Variants in DACH1 observed in about 807,000 individuals in gnomAD.
DACH1 encodes dachshund homolog 1.
Under a neutral mutation model 54.2 loss-of-function variants are expected in DACH1, and 12 were observed. The ratio of observed to expected loss-of-function variants is 0.22; its 90% CI spans 0.14 to 0.36. The LOEUF (loss-of-function observed/expected upper bound fraction) is 0.36, where lower values mean the gene tolerates loss of function less well. DACH1 is among the 10% of genes least tolerant of loss of function. DACH1 has a pLI of 1.00. For synonymous variants in DACH1, 386 were observed against 366.2 expected (o/e 1.05, Z -0.62); for missense variants, 805 against 929.8 (o/e 0.87, Z 1.75).
chr13:71,580,150 A>T (rs1014403207), intron 3 of DACH1, among the ~76,000 whole-genome samples: 3 of 152,218 alleles, frequency 2.0e-5, no homozygotes, highest in African/African-American at 7.2e-5. Flanking sequence ...AAATGACCAC[A>T]CAATGTTCAT....
intron 7 of DACH1, among the ~76,000 whole-genome samples, chr13:71,483,386 TA>T (rs1417504130): frequency 7.0e-6 from 1 of 142,794 alleles, no homozygotes; most frequent in Non-Finnish European, 1.5e-5. Context: ...TATGTATCAA[TA>T]ATTAAATTAT....
chr13:71,847,166 C>T (rs1873336631), intron 1 of DACH1, among the ~76,000 whole-genome samples: 6 of 152,010 alleles, frequency 3.9e-5, no homozygotes, highest in Admixed American at 3.3e-4. Flanking sequence ...GGGAAGCATC[C>T]AGGAATTAGA....
chr13:71,658,321 G>A (rs370842793), intron 2 of DACH1, among the ~76,000 whole-genome samples: 11 of 152,198 alleles, frequency 7.2e-5, no homozygotes, highest in South Asian at 4.1e-4. Context: ...AAGCTGAGGC[G>A]GGTGGATCAC....
At chr13:71,819,675 GA>G (rs988855378) in intron 1 of DACH1, among the ~76,000 whole-genome samples, 5 of 152,134 alleles carry the variant, frequency 3.3e-5, no homozygotes, top group Admixed American at 3.3e-4. Context: ...AGAGCAAATT[GA>G]AGGTGTAAAG....
intron 1 of DACH1, among the ~76,000 whole-genome samples, chr13:71,705,628 T>C (rs1882404080): frequency 6.6e-6 from 1 of 152,202 alleles, no homozygotes. Context: ...AGATAGGCAA[T>C]TTGTTAGCTA....
intron 1 of DACH1, among the ~76,000 whole-genome samples, chr13:71,725,253 G>A (rs1268819129): frequency 6.6e-6 from 1 of 152,036 alleles, no homozygotes; most frequent in African/African-American, 2.4e-5. Flanking sequence ...ATTGTTTTGA[G>A]CAATGTAGCC....
intron 9 of DACH1, among the ~76,000 whole-genome samples, 191 bp downstream of exon 9, chr13:71,475,515 T>TA (rs1234938134): frequency 7.9e-5 from 12 of 152,074 alleles, no homozygotes; most frequent in Non-Finnish European, 1.6e-4. Context: ...TGGAGTTCAG[T>TA]AAAAAACAGT....
At chr13:71,815,244 A>C (rs1887863235) in intron 1 of DACH1, among the ~76,000 whole-genome samples, 2 of 150,504 alleles carry the variant, frequency 1.3e-5, no homozygotes, top group African/African-American at 2.4e-5. Context: ...CTTGGAGCAA[A>C]CAAAGCTGCC....
intron 1 of DACH1, among the ~76,000 whole-genome samples, chr13:71,698,881 C>T (rs1292810921): frequency 3.9e-5 from 6 of 151,964 alleles, no homozygotes; most frequent in Non-Finnish European, 7.4e-5. Flanking sequence ...CAGAGAAACA[C>T]GGAAGGTACT....
intron 1 of DACH1, among the ~76,000 whole-genome samples, chr13:71,742,833 G>A (rs1217835382): frequency 6.6e-6 from 1 of 151,890 alleles, no homozygotes; most frequent in Non-Finnish European, 1.5e-5. Context: ...AGCAAAATCT[G>A]CCTTTATTTT....
At chr13:71,657,801 G>A (rs1427534055) in intron 2 of DACH1, among the ~76,000 whole-genome samples, 2 of 151,346 alleles carry the variant, frequency 1.3e-5, no homozygotes, top group Non-Finnish European at 2.9e-5. Context: ...TTCAGAGATG[G>A]GGTCTCACTA....
intron 1 of DACH1, among the ~76,000 whole-genome samples, chr13:71,791,427 C>A (rs974867065): frequency 6.6e-6 from 1 of 152,080 alleles, no homozygotes; most frequent in African/African-American, 2.4e-5. Flanking sequence ...AAGTGGCAGG[C>A]GGGAGTGCAG....
intron 7 of DACH1, among the ~76,000 whole-genome samples, chr13:71,481,711 C>T (rs772594435): frequency 6.6e-6 from 1 of 152,122 alleles, no homozygotes; most frequent in Non-Finnish European, 1.5e-5. Flanking sequence ...AAGTATGTTA[C>T]CGCCAGTGAC....
intron 10 of DACH1, among the ~76,000 whole-genome samples, chr13:71,464,948 G>A (rs9652235): frequency 0.018 from 2,770 of 152,144 alleles, 25 homozygotes; most frequent in Middle Eastern, 0.041. Context: ...TGCTTTGGCT[G>A]TGCTAATATA....
intron 6 of DACH1, among the ~76,000 whole-genome samples, chr13:71,542,294 AAAAAT>A (rs1883185837): frequency 6.6e-6 from 1 of 152,050 alleles, no homozygotes; most frequent in Non-Finnish European, 1.5e-5. Context: ...TACATACTTG[AAAAAT>A]AAAATAAAAA....
In DACH1 at chr13:71,596,655, T is replaced by C. The variant is rs138065933; in HGVS notation, c.1127-23643A>G. On this transcript the variant is annotated intron_variant, in intron 3 of 10. Transcript: ENST00000613252. ...GTTAAATTATCTCACCATGTTGTAT[T>C]AGGGCTACATCTTCATTTGCTACTT... Among the ~76,000 whole-genome samples, 184 of 152,276 alleles carry C rather than the reference T, an allele frequency of 1.2e-3. 2 individuals are homozygous for C. In the East Asian group the frequency reaches 0.028, roughly 23 times the overall value.
intron 1 of DACH1, among the ~76,000 whole-genome samples, chr13:71,847,457 C>A (rs1873358510): frequency 6.6e-6 from 1 of 152,214 alleles, no homozygotes; most frequent in East Asian, 1.9e-4. Flanking sequence ...CTATACACCA[C>A]AATAATCCCA....
chr13:71,737,234 A>C (rs932291633), intron 1 of DACH1, among the ~76,000 whole-genome samples: 10 of 152,204 alleles, frequency 6.6e-5, no homozygotes, highest in African/African-American at 2.4e-4. Flanking sequence ...AAAAAAAGAA[A>C]AAAAAAGTTG....
intron 3 of DACH1, among the ~76,000 whole-genome samples, chr13:71,624,164 C>A (rs1186288588): frequency 6.6e-6 from 1 of 151,710 alleles, no homozygotes; most frequent in Admixed American, 6.6e-5. Flanking sequence ...TTGGGGTAAG[C>A]AATTTTGTGT....
Sources: allele counts gnomAD v4.1 joint callset (sites outside exome capture counted in the v4.1 genomes callset), GRCh38; gene constraint gnomAD v4.1.1; transcripts MANE v1.5; gene names NCBI Gene and HGNC (gene_info 2026-07-23, HGNC 2026-07-21).